Variants in ADRA1B observed in about 807,000 individuals in gnomAD.
ADRA1B encodes adrenoceptor alpha 1B.
In ADRA1B, 17 loss-of-function variants were observed where a neutral mutation model predicts 17.9. The observed-to-expected ratio is 0.95, with a 90% confidence interval of 0.65 to 1.42. The LOEUF (loss-of-function observed/expected upper bound fraction) is 1.42, where lower values mean the gene tolerates loss of function less well. ADRA1B is among the 40% of genes most tolerant of loss of function. The pLI is 0.00. For missense variants in ADRA1B, 681 were observed against 722.1 expected (o/e 0.94, Z 0.65); for synonymous variants, 366 against 327.6 (o/e 1.12, Z -1.27).
At chr5:159,982,957 C>T in the ADRA1B span, among the ~76,000 whole-genome samples, 48 of 152,218 alleles carry the variant, frequency 3.2e-4, no homozygotes, top group Non-Finnish European at 6.0e-4. Context: ...ATGCTCTGAA[C>T]GTGCGTGCAC....
Position 159,931,788 on chromosome 5 carries a change from C to T in ADRA1B, c.949+13934C>T, listed in dbSNP as rs138328234. On this transcript the variant is annotated intron_variant, in intron 1 of 1. Coordinates refer to ENST00000306675, the MANE Select transcript of ADRA1B (RefSeq NM_000679.4). ...GTGACTTCTATGTGTCCTCACATGGCAGAAGGGGCAAACAGGCTCTCGAAT... is the reference window on the plus strand; with the variant it reads ...GTGACTTCTATGTGTCCTCACATGGTAGAAGGGGCAAACAGGCTCTCGAAT... Among the ~76,000 whole-genome samples the T allele has an allele frequency of 3.1e-3, 469 of 152,298 alleles. 2 individuals carry two copies. The highest frequency in any genetic ancestry group is 0.011 in the African/African-American group (458 of 41,556).
At chr5:159,985,051 T>C in the ADRA1B span, among the ~76,000 whole-genome samples, 2 of 151,976 alleles carry the variant, frequency 1.3e-5, no homozygotes, top group South Asian at 2.1e-4. Context: ...CACTACCCCC[T>C]CCCTCACTCC....
At chr5:159,904,059 G>A (rs1388597402) in intron 1 of ADRA1B, among the ~76,000 whole-genome samples, 1 of 152,190 alleles carries the variant, frequency 6.6e-6, no homozygotes, top group Non-Finnish European at 1.5e-5. Context: ...AGTGAAATGA[G>A]ACTGATTTTC....
intron 1 of ADRA1B, among the ~76,000 whole-genome samples, chr5:159,890,234 G>A (rs1382638008): frequency 6.6e-6 from 1 of 152,098 alleles, no homozygotes; most frequent in African/African-American, 2.4e-5. Context: ...ATGGCCCCAG[G>A]AAGCACTGTC....
upstream of ADRA1B, among the ~76,000 whole-genome samples, chr5:159,911,609 A>G (rs1581027712): frequency 6.6e-6 from 1 of 152,012 alleles, no homozygotes; most frequent in African/African-American, 2.4e-5. Flanking sequence ...GGGTTGGGGG[A>G]ATGCATGCTC....
intron 1 of ADRA1B, chr5:159,867,962 C>T (rs1446812156): frequency 6.6e-6 from 1 of 152,148 alleles, no homozygotes; most frequent in Non-Finnish European, 1.5e-5. Context: ...TATTAAACAC[C>T]CATTGCAAAC....
At chr5:159,985,699 G>T in the ADRA1B span, among the ~76,000 whole-genome samples, 2 of 152,310 alleles carry the variant, frequency 1.3e-5, no homozygotes, top group South Asian at 4.1e-4. Context: ...CAAAGGGTCT[G>T]GAAAAGGACT....
intron 1 of ADRA1B, among the ~76,000 whole-genome samples, chr5:159,891,019 C>G (rs1321559562): frequency 6.6e-6 from 1 of 152,164 alleles, no homozygotes; most frequent in African/African-American, 2.4e-5. Context: ...ACCTGCCATT[C>G]TAACTATATC....
chr5:159,945,405 G>A (rs1755241204), intron 1 of ADRA1B, among the ~76,000 whole-genome samples: 2 of 152,248 alleles, frequency 1.3e-5, no homozygotes, highest in South Asian at 2.1e-4. Flanking sequence ...AAAGCTGCTC[G>A]TTGAGATCAT....
At chr5:159,908,553 A>T (rs750472535) in intron 1 of ADRA1B, among the ~76,000 whole-genome samples, 5 of 151,696 alleles carry the variant, frequency 3.3e-5, no homozygotes, top group Admixed American at 1.3e-4. Context: ...TTCCCCTTCC[A>T]CTATGGAGTG....
intron 1 of ADRA1B, among the ~76,000 whole-genome samples, chr5:159,963,943 A>G (rs1384218534): frequency 1.3e-5 from 2 of 152,166 alleles, no homozygotes; most frequent in Non-Finnish European, 2.9e-5. Flanking sequence ...GGCTCACGGC[A>G]ACATCTGTTC....
chr5:159,870,319 C>T (rs1753720919), intron 1 of ADRA1B: 1 of 152,142 alleles, frequency 6.6e-6, no homozygotes, highest in Non-Finnish European at 1.5e-5. Flanking sequence ...AAGAGTGTGG[C>T]ATCACCTGGC....
intron 1 of ADRA1B, among the ~76,000 whole-genome samples, chr5:159,905,974 C>G (rs1034696394): frequency 6.6e-6 from 1 of 152,078 alleles, no homozygotes; most frequent in African/African-American, 2.4e-5. Flanking sequence ...CTCCTGTCAG[C>G]CTCCCAAATA....
At chr5:159,910,329 C>T (rs3948367) in intron 1 of ADRA1B, among the ~76,000 whole-genome samples, 2 of 152,180 alleles carry the variant, frequency 1.3e-5, no homozygotes, top group African/African-American at 4.8e-5. Flanking sequence ...GGTCACACAT[C>T]TGGGTCAACT....
intron 1 of ADRA1B, among the ~76,000 whole-genome samples, chr5:159,945,755 T>TG (rs201492593): frequency 0.046 from 6,873 of 150,844 alleles, 222 homozygotes; most frequent in Middle Eastern, 0.082. Flanking sequence ...TTTGTTTGTT[T>TG]TTTTTTTTTT....
In ADRA1B at chr5:159,876,163, G is replaced by C. The variant is rs1309029891; in HGVS notation, c.-256+10957G>C. On this transcript the variant is annotated intron_variant, in intron 1 of 2. Transcript: ENST00000641205. Reference sequence around the variant, plus strand: ...GAGATCACGCCACTGCACCCCAGCTGGGGGACAGAGCAAGACTCTGTCTCA... The same window carrying C: ...GAGATCACGCCACTGCACCCCAGCTCGGGGACAGAGCAAGACTCTGTCTCA... 2.0e-5 allele frequency among the ~76,000 whole-genome samples: 3 copies of C among 152,300 alleles called. No individual in the cohort carries two copies. The South Asian group carries it at 6.2e-4, about 32-fold the overall frequency.
intron 1 of ADRA1B, among the ~76,000 whole-genome samples, chr5:159,907,839 C>G (rs1754177845): frequency 6.6e-6 from 1 of 152,090 alleles, no homozygotes; most frequent in Non-Finnish European, 1.5e-5. Flanking sequence ...TTTTATCTGT[C>G]TGGATGAAGC....
intron 1 of ADRA1B, among the ~76,000 whole-genome samples, chr5:159,934,987 C>T (rs564575692): frequency 6.6e-6 from 1 of 152,170 alleles, no homozygotes; most frequent in South Asian, 2.1e-4. Context: ...CAGCTGGGTG[C>T]AAAACACTAG....
Position 159,972,042 on chromosome 5 carries a change from CCGCCGCCGA to C in ADRA1B, c.1122_1130del (p.Arg378_Arg380del), listed in dbSNP as rs757243904. On this transcript the variant is annotated inframe_deletion, in exon 2 of 2. Coordinates refer to ENST00000306675, the MANE Select transcript of ADRA1B (RefSeq NM_000679.4). ...TCGGGTGCCAGTGCCGCGGCCGCGG[CCGCCGCCGA>C]CGCCGCCGCCGCCGTCGCCTGGGCG... is the stretch of plus-strand genomic sequence containing the variant. The C allele has an allele frequency of 2.1e-5, 29 of 1,383,068 alleles. No homozygotes were observed. The highest frequency in any genetic ancestry group is 1.6e-4 in the South Asian group (8 of 51,238). The allele number at this position is 1,383,068 out of a possible 1,614,324, so 85.7% of individuals were successfully genotyped here.
Sources: allele counts gnomAD v4.1 joint callset (sites outside exome capture counted in the v4.1 genomes callset), GRCh38; gene constraint gnomAD v4.1.1; transcripts MANE v1.5; gene names NCBI Gene and HGNC (gene_info 2026-07-23, HGNC 2026-07-21).